Variants in KCNAB2 observed in about 807,000 individuals in gnomAD.
KCNAB2 encodes the protein potassium voltage-gated channel subfamily A regulatory beta subunit 2, also known as voltage-gated potassium channel subunit beta-2.
KCNAB2 carries 29 observed loss-of-function variants against 63.6 expected under a neutral mutation model. The observed-to-expected ratio is 0.46, with a 90% CI of 0.34 to 0.62. The LOEUF (loss-of-function observed/expected upper bound fraction) is 0.62, where lower values mean the gene tolerates loss of function less well. Ranked by LOEUF, KCNAB2 falls within the 20% of genes least tolerant of loss-of-function variation. The pLI is 0.01. For missense variants in KCNAB2, 359 were observed against 563.9 expected, an observed-to-expected ratio of 0.64 and a Z score of 3.68; for synonymous variants, 222 against 224.2, an observed-to-expected ratio of 0.99 and a Z score of 0.09.
upstream of KCNAB2, among the ~76,000 whole-genome samples, chr1:6,043,417 C>T (rs549153320): frequency 3.9e-5 from 6 of 152,194 alleles, no homozygotes; most frequent in Admixed American, 6.5e-5. Context: ...GTTGTCCCCC[C>T]CGCCGGGATC....
At chr1:6,059,142 G>A (rs926282241) in intron 2 of KCNAB2, among the ~76,000 whole-genome samples, 3 of 152,120 alleles carry the variant, frequency 2.0e-5, no homozygotes, top group Non-Finnish European at 4.4e-5. Context: ...GGTGTTTCTG[G>A]AGCTGACCTG....
intron 13 of KCNAB2, 147 bp downstream of exon 13, chr1:6,095,771 G>T: frequency 1.4e-6 from 1 of 738,700 alleles, no homozygotes. Flanking sequence ...GGGCTCCTTG[G>T]CGTGAGAACA....
chr1:6,038,458 T>C (rs1000828188), intron 1 of KCNAB2, among the ~76,000 whole-genome samples: 1 of 152,068 alleles, frequency 6.6e-6, no homozygotes. Flanking sequence ...GCCCAGCTAA[T>C]TTTTTTATTT....
chr1:6,075,475 A>G (rs1383024268), intron 4 of KCNAB2, among the ~76,000 whole-genome samples: 1 of 152,282 alleles, frequency 6.6e-6, no homozygotes, highest in Non-Finnish European at 1.5e-5. Context: ...GACAGAGAAT[A>G]AAATAGATGG....
At chr1:5,998,424 C>T (rs1206647649) in intron 1 of KCNAB2, among the ~76,000 whole-genome samples, 1 of 152,188 alleles carries the variant, frequency 6.6e-6, no homozygotes, top group Non-Finnish European at 1.5e-5. Context: ...TCTTGGACAG[C>T]AGTGCCCACT....
rs537040300 is a variant in KCNAB2, at chr1:6,050,874, C to T, written c.-26-637C>T. ...AAAGCATGAAGCCCAAAGATCTCTG[C>T]GGTGCAATGATGCGTTCAACAAGCA... On this transcript the variant is annotated intron_variant, in intron 1 of 15. Coordinates refer to ENST00000378083, the MANE Select transcript of KCNAB2 (RefSeq NM_001199862.2). Among the ~76,000 whole-genome samples the T allele has an allele frequency of 1.2e-4, 18 of 152,330 alleles. No homozygotes were observed. In the East Asian group the frequency reaches 2.1e-3, roughly 18 times the overall value.
rs1659934925 is a variant in KCNAB2, at chr1:6,035,201, C to T, written c.-53+407C>T. Among the ~76,000 whole-genome samples, 1 of 142,070 alleles carries T rather than the reference C, an allele frequency of 7.0e-6. No individual in the cohort carries two copies. The highest frequency in any genetic ancestry group is 2.7e-5 in the African/African-American group (1 of 37,350). 93.2% of individuals were successfully genotyped at this position (142,070 alleles called of 152,430 possible). On this transcript the variant is annotated intron_variant, in intron 1 of 15. Transcript: ENST00000164247. This position sits in a 1 kb window ranked among gnomAD's most constrained non-coding sequence, Gnocchi z 5.0. ...GGAGTGAGTCTGTCTGCTGGGTTCA[C>T]AGACCCCCAGGGAGCCAGTGTGGCA...
At chr1:5,996,973 T>G (rs1656975852) in intron 1 of KCNAB2, among the ~76,000 whole-genome samples, 1 of 152,208 alleles carries the variant, frequency 6.6e-6, no homozygotes, top group Non-Finnish European at 1.5e-5. Flanking sequence ...GCTGTTTCCC[T>G]GCCAGAGACT....
chr1:6,071,490 C>G lies in KCNAB2; in HGVS notation c.219-1265C>G, dbSNP rs1402362619. On this transcript the variant is annotated intron_variant, in intron 2 of 15. Coordinates refer to ENST00000378083, the MANE Select transcript of KCNAB2 (RefSeq NM_001199862.2). The surrounding 1 kb of genome is among the most constrained non-coding windows in gnomAD (Gnocchi z 8.5). ...CACCATCTGGGCAGATCACGCCCTGCTTAACAGGCTGGGGTGTGGGATGCA... is the reference window on the plus strand; with the variant it reads ...CACCATCTGGGCAGATCACGCCCTGGTTAACAGGCTGGGGTGTGGGATGCA... Among the ~76,000 whole-genome samples, 1 of 152,218 alleles carries G rather than the reference C, an allele frequency of 6.6e-6. No homozygotes were observed. Among genetic ancestry groups the G allele is most frequent in the African/African-American group, 2.4e-5 (1 of 41,470 alleles).
intron 8 of KCNAB2, 134 bp from the exon 9 acceptor site, chr1:6,090,255 T>G: frequency 3.4e-6 from 2 of 595,518 alleles, no homozygotes; most frequent in East Asian, 3.0e-5. Flanking sequence ...ACGACCTCCA[T>G]CAGCTTCTGG....
At chr1:6,046,221 A>G (rs938659475) in intron 1 of KCNAB2, 38 bp downstream of exon 1, 1 of 984,144 alleles carries the variant, frequency 1.0e-6, no homozygotes, top group Middle Eastern at 5.2e-4. Context: ...CCTAGTGGAG[A>G]TGCCGCTTGG....
intron 2 of KCNAB2, among the ~76,000 whole-genome samples, chr1:6,064,510 G>C (rs1054707595): frequency 2.0e-5 from 3 of 152,224 alleles, no homozygotes. Flanking sequence ...GCTAAGATTT[G>C]CTGCTGGTCA....
At chr1:6,032,377 G>C (rs186815987), upstream of KCNAB2, among the ~76,000 whole-genome samples, 1 of 152,124 alleles carries the variant, frequency 6.6e-6, no homozygotes, top group Non-Finnish European at 1.5e-5. Flanking sequence ...TCAAGAGATT[G>C]AGACCATCCT....
At chr1:6,083,537 C>T (rs959050429) in intron 5 of KCNAB2, among the ~76,000 whole-genome samples, 3 of 152,204 alleles carry the variant, frequency 2.0e-5, no homozygotes, top group African/African-American at 4.8e-5. Flanking sequence ...GCCAGAAGAC[C>T]GGGGAGTCAG....
At position 6,089,847 on chromosome 1, in the gene KCNAB2, A is replaced by G. The variant is rs1022791201; in HGVS notation, c.515-542A>G. Among the ~76,000 whole-genome samples, 10 of 152,144 alleles carry G rather than the reference A, an allele frequency of 6.6e-5. No homozygotes were observed. In the East Asian group the frequency reaches 1.4e-3, roughly 21 times the overall value. On this transcript the variant is annotated intron_variant, in intron 8 of 15. Transcript: ENST00000378083. ...TGAGTAGCTGGGATTACAGGTGCCC[A>G]CCACCACATCTGGTTAATTTTTTTT...
rs985343610 is a variant in KCNAB2, at chr1:6,046,184, G to A, written c.-27+1G>A. The A allele has an allele frequency of 1.4e-5, 14 of 985,450 alleles. No individual in the cohort carries two copies. The highest frequency in any genetic ancestry group is 1.7e-5 in the Non-Finnish European group (14 of 829,940). 61.0% of individuals were successfully genotyped at this position (985,450 alleles called of 1,614,324 possible). A position where few individuals can be genotyped will look rare whatever the true frequency, so the allele number is the denominator to read the frequency against. The stretch of plus-strand genomic sequence containing the variant: ...CGAGCAGACGCCCCCACGAAGGCAG[G>A]TGAGTCCTCCCTTCAGCCGCTACCT... On this transcript the variant is annotated splice_donor_variant, in intron 1 of 15. Coordinates refer to ENST00000378083, the MANE Select transcript of KCNAB2 (RefSeq NM_001199862.2). LOFTEE classifies it low-confidence loss of function (5UTR_SPLICE).
rs183641398 is a variant in KCNAB2 at position 6,090,366 on chromosome 1, C to G, written c.515-23C>G. 6.0e-4 allele frequency: 939 copies of G among 1,572,208 alleles called. 9 individuals carry two copies. The East Asian group carries it at 0.019, about 32-fold the overall frequency. ...GGAGATGGAGCCACAGCAGTGACGC[C>G]CCCCCACCTGGTCCTCCCCCAGGTC... On this transcript the variant is annotated intron_variant, in intron 8 of 15. Transcript: ENST00000378083.
At chr1:6,062,669 C>G (rs973116212) in intron 2 of KCNAB2, among the ~76,000 whole-genome samples, 3 of 152,148 alleles carry the variant, frequency 2.0e-5, no homozygotes, top group African/African-American at 7.2e-5. Flanking sequence ...CGCACACACA[C>G]TGTCTGAGCT....
intron 2 of KCNAB2, among the ~76,000 whole-genome samples, chr1:6,060,543 C>T (rs982393890): frequency 3.3e-5 from 5 of 152,146 alleles, no homozygotes; most frequent in South Asian, 2.1e-4. Context: ...ACGGACAAGG[C>T]GGTCTCTGCA....
Sources: allele counts gnomAD v4.1 joint callset (sites outside exome capture counted in the v4.1 genomes callset), GRCh38; gene constraint gnomAD v4.1.1; non-coding constraint Gnocchi (gnomAD v3.1); transcripts MANE v1.5; gene names NCBI Gene and HGNC (gene_info 2026-07-23, HGNC 2026-07-21).